Variants in SCHIP1 observed in about 807,000 individuals in gnomAD.
SCHIP1 encodes the protein schwannomin interacting protein 1.
SCHIP1 carries 8 observed loss-of-function variants against 29.7 expected under a neutral mutation model. The ratio of observed to expected loss-of-function variants is 0.27; its 90% CI spans 0.16 to 0.49. SCHIP1 has a LOEUF of 0.49. SCHIP1 is among the 20% of genes least tolerant of loss of function. SCHIP1 has a pLI of 0.99. For synonymous variants in SCHIP1, 76 were observed against 94.9 expected (o/e 0.80, Z 1.16); for missense variants, 193 against 294.6 (o/e 0.66, Z 2.52).
the SCHIP1 span, among the ~76,000 whole-genome samples, chr3:159,396,054 G>T: frequency 1.3e-5 from 2 of 149,646 alleles, no homozygotes; most frequent in African/African-American, 4.9e-5. Flanking sequence ...TTGTTGAATT[G>T]ATCCCTTTAC....
the SCHIP1 span, among the ~76,000 whole-genome samples, chr3:159,691,128 T>C: frequency 6.6e-6 from 1 of 152,186 alleles, no homozygotes; most frequent in South Asian, 2.1e-4. Flanking sequence ...CAGAGCTGAG[T>C]TCAAGTCCTG....
chr3:159,842,360 G>A (rs1378164773), intron 1 of SCHIP1, among the ~76,000 whole-genome samples: 1 of 152,104 alleles, frequency 6.6e-6, no homozygotes, highest in Non-Finnish European at 1.5e-5. Flanking sequence ...TTGTATAGAT[G>A]TACATCATTG....
the SCHIP1 span, chr3:159,764,817 G>C: frequency 6.3e-7 from 1 of 1,585,534 alleles, no homozygotes; most frequent in Admixed American, 1.7e-5. This position sits in a 1 kb window ranked among gnomAD's most constrained non-coding sequence, Gnocchi z 6.1. Flanking sequence ...TGCCGCCCCC[G>C]GTGCCCAACG....
the SCHIP1 span, among the ~76,000 whole-genome samples, chr3:159,419,086 G>A: frequency 1.3e-5 from 2 of 152,196 alleles, no homozygotes; most frequent in Admixed American, 6.5e-5. Flanking sequence ...TGAGGCAGCT[G>A]CTGGGACAAC....
At chr3:159,866,074 C>A in intron 1 of SCHIP1, 89 bp from the exon 3 acceptor site, 1 of 1,070,264 alleles carries the variant, frequency 9.3e-7, no homozygotes, top group Non-Finnish European at 1.4e-6. Flanking sequence ...TCTAATGTTA[C>A]AGTTCTAAGA....
At chr3:159,508,177 T>C in the SCHIP1 span, among the ~76,000 whole-genome samples, 1 of 152,210 alleles carries the variant, frequency 6.6e-6, no homozygotes. Flanking sequence ...ATTCAACTTC[T>C]TCTTGGTTTA....
the SCHIP1 span, among the ~76,000 whole-genome samples, chr3:159,581,040 C>T: frequency 8.4e-3 from 1,276 of 152,170 alleles, 32 homozygotes; most frequent in African/African-American, 0.028. Context: ...ATCTTTATTA[C>T]CCCTATTTTA....
the SCHIP1 span, among the ~76,000 whole-genome samples, chr3:159,384,000 G>A: frequency 6.6e-6 from 1 of 151,332 alleles, no homozygotes; most frequent in African/African-American, 2.4e-5. Flanking sequence ...AGCTTAAGGA[G>A]ATTTTGGGCT....
chr3:159,533,279 G>A, the SCHIP1 span, among the ~76,000 whole-genome samples: 1 of 152,136 alleles, frequency 6.6e-6, no homozygotes, highest in African/African-American at 2.4e-5. Context: ...CAGCAGGCGT[G>A]CAATCTCCCC....
the SCHIP1 span, chr3:159,764,941 G>A: frequency 1.3e-6 from 2 of 1,492,542 alleles, no homozygotes; most frequent in Non-Finnish European, 1.8e-6. This position sits in a 1 kb window ranked among gnomAD's most constrained non-coding sequence, Gnocchi z 6.1. Context: ...GCCCCAGCCG[G>A]CTGGGGGCCG....
chr3:159,599,247 T>C, the SCHIP1 span, among the ~76,000 whole-genome samples: 6 of 152,324 alleles, frequency 3.9e-5, no homozygotes, highest in African/African-American at 1.4e-4. Flanking sequence ...TCTGGTTGTT[T>C]TATATACTCA....
At chr3:159,495,550 G>A in the SCHIP1 span, among the ~76,000 whole-genome samples, 2 of 152,134 alleles carry the variant, frequency 1.3e-5, no homozygotes, top group Non-Finnish European at 2.9e-5. Context: ...CAACTTACAA[G>A]GGATGTGAAG....
At chr3:159,601,036 T>C in the SCHIP1 span, among the ~76,000 whole-genome samples, 2 of 152,198 alleles carry the variant, frequency 1.3e-5, no homozygotes, top group Non-Finnish European at 2.9e-5. Flanking sequence ...AGTCTTTGGG[T>C]CCCAAGAGTA....
chr3:159,279,129 G>A, the SCHIP1 span, among the ~76,000 whole-genome samples: 2 of 152,154 alleles, frequency 1.3e-5, no homozygotes, highest in Non-Finnish European at 2.9e-5. Flanking sequence ...ACCTTGAATT[G>A]TAGCTCCCAT....
At chr3:159,427,636 T>C in the SCHIP1 span, among the ~76,000 whole-genome samples, 1 of 150,614 alleles carries the variant, frequency 6.6e-6, no homozygotes, top group Non-Finnish European at 1.5e-5. Context: ...AATTTATAGA[T>C]TCAATGCCAT....
the SCHIP1 span, among the ~76,000 whole-genome samples, chr3:159,452,334 T>A: frequency 3.3e-5 from 5 of 152,114 alleles, no homozygotes; most frequent in East Asian, 9.7e-4. Context: ...CAGTGTGTGA[T>A]GTTCCCCTCC....
intron 2 of SCHIP1, among the ~76,000 whole-genome samples, chr3:159,876,866 A>G (rs1715867441): frequency 6.6e-6 from 1 of 152,198 alleles, no homozygotes; most frequent in South Asian, 2.1e-4. Flanking sequence ...GATGGAGTGC[A>G]TCACCTTCCA....
At chr3:159,841,774 A>G (rs1298801263) in intron 1 of SCHIP1, among the ~76,000 whole-genome samples, 1 of 152,198 alleles carries the variant, frequency 6.6e-6, no homozygotes, top group Non-Finnish European at 1.5e-5. Context: ...GCAATATATA[A>G]CAGTGTCATT....
chr3:159,496,186 A>G, the SCHIP1 span, among the ~76,000 whole-genome samples: 1 of 152,258 alleles, frequency 6.6e-6, no homozygotes, highest in Non-Finnish European at 1.5e-5. Flanking sequence ...TTCAGGACAT[A>G]GGCATGGGCA....
Sources: gnomAD v4.1 joint callset for allele counts (sites outside exome capture counted in the v4.1 genomes callset) on GRCh38, gnomAD v4.1.1 for gene constraint, Gnocchi (gnomAD v3.1) non-coding constraint, MANE v1.5 for transcripts, NCBI Gene and HGNC (gene_info 2026-07-23, HGNC 2026-07-21) for gene names.